Variants in GRM7 observed in about 807,000 individuals in gnomAD.
GRM7 encodes the protein metabotropic glutamate receptor 7.
Under a neutral mutation model 84.5 loss-of-function variants are expected in GRM7, and 35 were observed. The ratio of observed to expected loss-of-function variants is 0.41; its 90% confidence interval spans 0.32 to 0.55. GRM7 has a LOEUF of 0.55. Ranked by LOEUF, GRM7 falls within the 20% of genes least tolerant of loss-of-function variation. The probability of loss-of-function intolerance (pLI) is 0.19; values close to 1 mark genes in which losing one functional copy is unlikely to be tolerated. For synonymous variants in GRM7, 487 were observed against 455.1 expected (o/e 1.07, Z -0.89); for missense variants, 1,003 against 1,194.6 (o/e 0.84, Z 2.36).
intron 2 of GRM7, among the ~76,000 whole-genome samples, chr3:7,195,316 T>C (rs758261620): frequency 2.0e-5 from 3 of 152,140 alleles, no homozygotes; most frequent in African/African-American, 4.8e-5. Context: ...TTGATTTAGT[T>C]TGGTGGCTTC....
At chr3:7,449,800 C>G (rs1697691852) in intron 5 of GRM7, among the ~76,000 whole-genome samples, 1 of 151,968 alleles carries the variant, frequency 6.6e-6, no homozygotes, top group Non-Finnish European at 1.5e-5. Flanking sequence ...CATTGCATAA[C>G]AAAATACGTT....
chr3:7,058,750 A>G (rs868637163), intron 1 of GRM7, among the ~76,000 whole-genome samples: 3 of 151,870 alleles, frequency 2.0e-5, no homozygotes, highest in South Asian at 4.1e-4. Flanking sequence ...CTGATGTGTC[A>G]TCTTACTGCT....
chr3:7,236,211 G>C (rs1697343276), intron 2 of GRM7, among the ~76,000 whole-genome samples: 1 of 152,162 alleles, frequency 6.6e-6, no homozygotes. Context: ...TGCATTGAGG[G>C]TTAAGTTTCA....
chr3:6,964,224 C>T (rs1248555262), intron 1 of GRM7, among the ~76,000 whole-genome samples: 1 of 152,140 alleles, frequency 6.6e-6, no homozygotes, highest in Non-Finnish European at 1.5e-5. Context: ...TTATAAACAA[C>T]AGAAATTTTC....
intron 8 of GRM7, among the ~76,000 whole-genome samples, chr3:7,644,033 CA>C (rs1291293052): frequency 2.2e-4 from 15 of 67,528 alleles, no homozygotes; most frequent in African/African-American, 8.6e-4. Context: ...CACACACACA[CA>C]CCATATATAA....
intron 1 of GRM7, among the ~76,000 whole-genome samples, chr3:6,963,356 C>T (rs541802870): frequency 5.3e-5 from 8 of 152,340 alleles, no homozygotes; most frequent in African/African-American, 1.7e-4. Flanking sequence ...AGTAATACTA[C>T]TGTCAGCATC....
chr3:7,547,806 T>C (rs1180716513), intron 7 of GRM7, among the ~76,000 whole-genome samples: 1 of 152,180 alleles, frequency 6.6e-6, no homozygotes, highest in Non-Finnish European at 1.5e-5. Flanking sequence ...GATAAAAGAA[T>C]AAATTCTCCC....
At chr3:7,404,134 A>G (rs73810612) in intron 4 of GRM7, among the ~76,000 whole-genome samples, 176 of 152,232 alleles carry the variant, frequency 1.2e-3, no homozygotes, top group African/African-American at 4.2e-3. Context: ...ACCAGGGTGT[A>G]AACTGTTGTA....
chr3:6,926,653 A>G (rs781174172), intron 1 of GRM7, among the ~76,000 whole-genome samples: 1 of 152,090 alleles, frequency 6.6e-6, no homozygotes, highest in Non-Finnish European at 1.5e-5. Context: ...GGTGCTCCCC[A>G]AACAGCTTAG....
intron 7 of GRM7, among the ~76,000 whole-genome samples, chr3:7,512,019 A>G (rs1030602573): frequency 6.6e-6 from 1 of 152,002 alleles, no homozygotes; most frequent in East Asian, 1.9e-4. Flanking sequence ...GTGGCACACT[A>G]ATGAAGTCCC....
chr3:7,185,875 T>C (rs1695496208), intron 2 of GRM7, among the ~76,000 whole-genome samples: 1 of 152,226 alleles, frequency 6.6e-6, no homozygotes, highest in South Asian at 2.1e-4. Flanking sequence ...CAGGTTTAAA[T>C]ATCTGTGGTT....
chr3:7,537,382 G>A (rs576109338), intron 7 of GRM7, among the ~76,000 whole-genome samples: 1 of 152,240 alleles, frequency 6.6e-6, no homozygotes, highest in East Asian at 1.9e-4. Context: ...ATGAATCTTT[G>A]GTTCTATTAA....
intron 8 of GRM7, among the ~76,000 whole-genome samples, chr3:7,641,700 G>A (rs540478420): frequency 7.1e-4 from 102 of 144,086 alleles, no homozygotes; most frequent in African/African-American, 2.3e-3. Flanking sequence ...GAGATAATAA[G>A]GAAAATAATA....
At chr3:6,998,267 A>T (rs2124871379) in intron 1 of GRM7, among the ~76,000 whole-genome samples, 1 of 152,304 alleles carries the variant, frequency 6.6e-6, no homozygotes, top group East Asian at 1.9e-4. Flanking sequence ...CCAATAGGGC[A>T]GTAATTAAAT....
At chr3:7,664,284 G>C (rs1699585517) in intron 8 of GRM7, among the ~76,000 whole-genome samples, 1 of 140,750 alleles carries the variant, frequency 7.1e-6, no homozygotes, top group East Asian at 2.0e-4. Context: ...TTCCACTTTT[G>C]TTGTAATCGT....
intron 1 of GRM7, among the ~76,000 whole-genome samples, chr3:6,920,126 G>T (rs888281432): frequency 7.9e-5 from 12 of 152,004 alleles, no homozygotes; most frequent in African/African-American, 2.7e-4. Context: ...TTAAATGTAA[G>T]GCATAATTTT....
At position 7,609,208 on chromosome 3, in the gene GRM7, A is replaced by G. The variant is rs752869546; in HGVS notation, c.2451+29851A>G. ...AAGAACATTTACAGGGACCAAAGAT[A>G]GAGCCTCTAAATGAGGAACAAAAGC... On this transcript the variant is annotated intron_variant, in intron 8 of 9. Transcript: ENST00000357716. Among the ~76,000 whole-genome samples the G allele has an allele frequency of 1.4e-4, 22 of 152,230 alleles. 1 individual carries two copies. Among genetic ancestry groups the G allele is most frequent in the Non-Finnish European group, 3.2e-4 (22 of 68,048 alleles).
At chr3:7,347,403 C>A (rs1225550059) in intron 4 of GRM7, among the ~76,000 whole-genome samples, 1 of 152,192 alleles carries the variant, frequency 6.6e-6, no homozygotes, top group Non-Finnish European at 1.5e-5. Flanking sequence ...TGCTTTAGTT[C>A]ACCTGTGATA....
At chr3:7,572,271 A>G (rs1694702736) in intron 7 of GRM7, among the ~76,000 whole-genome samples, 1 of 152,198 alleles carries the variant, frequency 6.6e-6, no homozygotes, top group Non-Finnish European at 1.5e-5. Context: ...ACTTTGAAAC[A>G]CACTAATGCC....
Sources: allele counts gnomAD v4.1 joint callset (sites outside exome capture counted in the v4.1 genomes callset), GRCh38; gene constraint gnomAD v4.1.1; transcripts MANE v1.5; gene names NCBI Gene and HGNC (gene_info 2026-07-23, HGNC 2026-07-21).